ROBO2: variants seen among roughly 807,000 people sequenced by gnomAD.
The protein encoded by ROBO2 is roundabout homolog 2.
In ROBO2, 53 loss-of-function variants were observed where a neutral mutation model predicts 160.8. That is an observed-to-expected ratio of 0.33 (90% CI 0.26 to 0.41). The LOEUF is 0.41. Ranked by LOEUF, ROBO2 falls within the 10% of genes least tolerant of loss-of-function variation. ROBO2 has a pLI of 1.00. For missense variants in ROBO2, 1,577 were observed against 1,722.4 expected, an observed-to-expected ratio of 0.92 and a Z score of 1.49; for synonymous variants, 664 against 611.7, an observed-to-expected ratio of 1.09 and a Z score of -1.26.
intron 2 of ROBO2, among the ~76,000 whole-genome samples, chr3:76,769,698 T>C (rs148184824): frequency 6.1e-4 from 93 of 151,580 alleles, no homozygotes; most frequent in African/African-American, 2.1e-3. Context: ...ATAATTACTT[T>C]ATTGTCTCTT....
intron 21 of ROBO2, among the ~76,000 whole-genome samples, chr3:77,611,159 G>A (rs559733089): frequency 2.0e-5 from 3 of 152,070 alleles, no homozygotes; most frequent in South Asian, 4.2e-4. Context: ...TTAGCTGGGC[G>A]AGGTGGCGGC....
intron 2 of ROBO2, among the ~76,000 whole-genome samples, chr3:77,436,769 A>G (rs1450191040): frequency 4.6e-5 from 7 of 151,892 alleles, no homozygotes; most frequent in Non-Finnish European, 1.0e-4. Context: ...TTCCTTATCT[A>G]GATGCTATTT....
intron 2 of ROBO2, among the ~76,000 whole-genome samples, chr3:76,993,593 C>T (rs994826586): frequency 6.6e-6 from 1 of 152,098 alleles, no homozygotes; most frequent in Non-Finnish European, 1.5e-5. Flanking sequence ...TTCAGTCACT[C>T]ATAGGTAAGT....
intron 2 of ROBO2, among the ~76,000 whole-genome samples, chr3:76,961,873 C>T (rs1259325208): frequency 1.3e-5 from 2 of 152,018 alleles, no homozygotes; most frequent in Non-Finnish European, 2.9e-5. Context: ...GATAATTCAG[C>T]GATTCATTCT....
At chr3:77,025,223 T>C (rs1231033969) in intron 2 of ROBO2, among the ~76,000 whole-genome samples, 1 of 152,202 alleles carries the variant, frequency 6.6e-6, no homozygotes, top group Admixed American at 6.5e-5. Flanking sequence ...TCCTTTGCAT[T>C]TGAGCTCTTA....
intron 2 of ROBO2, among the ~76,000 whole-genome samples, chr3:76,715,486 A>T (rs546430020): frequency 6.6e-6 from 1 of 152,280 alleles, no homozygotes; most frequent in Admixed American, 6.5e-5. Flanking sequence ...TACAGGACTT[A>T]ACAGTTCTCA....
At chr3:77,587,327 T>C (rs1439347263) in intron 16 of ROBO2, among the ~76,000 whole-genome samples, 4 of 152,086 alleles carry the variant, frequency 2.6e-5, no homozygotes, top group African/African-American at 7.2e-5. Flanking sequence ...AGTTACTTTT[T>C]TGAACTCTGC....
chr3:76,553,879 CTCAT>C (rs1275814425), intron 2 of ROBO2, among the ~76,000 whole-genome samples: 4 of 152,142 alleles, frequency 2.6e-5, no homozygotes, highest in African/African-American at 9.7e-5. Context: ...CTTGCTAATG[CTCAT>C]TATTATCATG....
chr3:76,841,718 A>G (rs2068285279), intron 2 of ROBO2, among the ~76,000 whole-genome samples: 1 of 152,202 alleles, frequency 6.6e-6, no homozygotes, highest in Non-Finnish European at 1.5e-5. Flanking sequence ...ATGAGAAAAA[A>G]GAGGAAGATT....
chr3:77,465,077 C>T (rs1053941334), intron 2 of ROBO2, among the ~76,000 whole-genome samples: 27 of 151,824 alleles, frequency 1.8e-4, no homozygotes, highest in African/African-American at 5.3e-4. Context: ...TCACAACAGC[C>T]GTAATTTGTT....
At chr3:77,294,234 CG>C (rs1457873916) in intron 2 of ROBO2, among the ~76,000 whole-genome samples, 2 of 129,162 alleles carry the variant, frequency 1.5e-5, no homozygotes, top group Non-Finnish European at 3.2e-5. Flanking sequence ...TAGATCACCC[CG>C]GACATAAAGT....
intron 2 of ROBO2, among the ~76,000 whole-genome samples, chr3:76,787,774 A>G (rs2063088216): frequency 6.6e-6 from 1 of 151,506 alleles, no homozygotes; most frequent in African/African-American, 2.4e-5. Context: ...ACAATTATCA[A>G]GGTATTTGGA....
At position 77,461,514 on chromosome 3, in the gene ROBO2, A is replaced by G. The variant is rs141190251; in HGVS notation, c.389-15900A>G. On this transcript the variant is annotated intron_variant, in intron 2 of 25. Coordinates refer to ENST00000461745, the Ensembl canonical transcript of ROBO2. ...TTGAATAACATTATATTTATGCTAT[A>G]CATAGATATATTCTTCATCACACTT... Among the ~76,000 whole-genome samples, 23 of 152,230 alleles carry G rather than the reference A, an allele frequency of 1.5e-4. 1 individual carries two copies. Among genetic ancestry groups the G allele is most frequent in the African/African-American group, 4.6e-4 (19 of 41,574 alleles).
chr3:77,178,288 T>G (rs1246726192), intron 2 of ROBO2, among the ~76,000 whole-genome samples: 1 of 152,052 alleles, frequency 6.6e-6, no homozygotes, highest in Admixed American at 6.6e-5. Context: ...CCTGTAGATC[T>G]GAAGTTTCCA....
exon 26 of ROBO2, chr3:77,649,764 C>CT (rs2095436415): frequency 6.6e-6 from 1 of 151,966 alleles, no homozygotes; most frequent in African/African-American, 2.4e-5. Context: ...CGTGGGTAGA[C>CT]TTTTTATACT....
chr3:76,982,640 G>A (rs1168316635), intron 2 of ROBO2, among the ~76,000 whole-genome samples: 2 of 152,098 alleles, frequency 1.3e-5, no homozygotes, highest in African/African-American at 2.4e-5. Flanking sequence ...ATATTACACT[G>A]TGAAATAAAA....
chr3:77,505,501 A>G (rs2088362148), intron 5 of ROBO2, among the ~76,000 whole-genome samples: 1 of 152,084 alleles, frequency 6.6e-6, no homozygotes, highest in South Asian at 2.1e-4. Context: ...TAATCATGTA[A>G]TAGTATTTTC....
intron 2 of ROBO2, among the ~76,000 whole-genome samples, chr3:77,026,558 C>A (rs1189073756): frequency 6.6e-6 from 1 of 152,154 alleles, no homozygotes; most frequent in Admixed American, 6.5e-5. Context: ...AGGCATGATT[C>A]TTTATCTTCT....
chr3:77,460,480 G>C (rs575122454), intron 2 of ROBO2, among the ~76,000 whole-genome samples: 23 of 152,196 alleles, frequency 1.5e-4, no homozygotes, highest in African/African-American at 5.5e-4. Context: ...ACCAGCAGGG[G>C]TTCACTCAGA....
Sources: allele counts gnomAD v4.1 joint callset (sites outside exome capture counted in the v4.1 genomes callset), GRCh38; gene constraint gnomAD v4.1.1; transcripts MANE v1.5; gene names NCBI Gene and HGNC (gene_info 2026-07-23, HGNC 2026-07-21).